FBXW11: variants seen among roughly 807,000 people sequenced by gnomAD.
FBXW11 encodes F-box and WD repeat domain containing 11, also known as F-box/WD repeat-containing protein 11.
In FBXW11, 19 loss-of-function variants were observed where a neutral mutation model predicts 77.6. The ratio of observed to expected loss-of-function variants is 0.24; its 90% CI spans 0.17 to 0.36. The LOEUF is 0.36. Among genes scored for constraint, FBXW11 ranks in the 10% least tolerant of loss-of-function variants. The probability of loss-of-function intolerance (pLI) is 1.00; values close to 1 mark genes in which losing one functional copy is unlikely to be tolerated. For synonymous variants in FBXW11, 235 were observed against 249.4 expected, an observed-to-expected ratio of 0.94 and a Z score of 0.54; for missense variants, 334 against 704.2, an observed-to-expected ratio of 0.47 and a Z score of 5.95.
rs761560539 is a variant in FBXW11, at chr5:171,899,093, C to T, written c.625G>A (p.Asp209Asn). The T allele has an allele frequency of 6.3e-7, 1 of 1,590,054 alleles. No individual in the cohort carries two copies. Among genetic ancestry groups the T allele is most frequent in the Non-Finnish European group, 8.5e-7 (1 of 1,171,536 alleles). The change falls in exon 6 of 14, where the codon GAT (aspartate) becomes AAT (asparagine). Residue 209 changes from aspartate (D) to asparagine (N), a missense_variant and splice_region_variant. Transcript: ENST00000517395. ...GGTCTGTTTTTAAACAGGTACTGAT[C>T]CCTGGCAAATAAAAACAAACAGATG... is the stretch of plus-strand genomic sequence containing the variant. ...WKGLSERRGW[D>N]QYLFKNRPTD...
chr5:171,948,574 T>C (rs1763142702), intron 2 of FBXW11, among the ~76,000 whole-genome samples: 1 of 152,012 alleles, frequency 6.6e-6, no homozygotes, highest in Non-Finnish European at 1.5e-5. Context: ...CCCATTTCTA[T>C]TTAATTAAAA....
intron 7 of FBXW11, among the ~76,000 whole-genome samples, chr5:171,890,811 T>A (rs1227006419): frequency 6.6e-6 from 1 of 152,156 alleles, no homozygotes; most frequent in Non-Finnish European, 1.5e-5. Context: ...ATTGGGGGAA[T>A]GAGAGAGCTG....
intron 2 of FBXW11, among the ~76,000 whole-genome samples, chr5:171,915,319 A>G (rs1332509082): frequency 6.6e-6 from 1 of 152,228 alleles, no homozygotes; most frequent in Non-Finnish European, 1.5e-5. Context: ...TATTTAAGGT[A>G]TCAGTGTTTT....
chr5:171,905,590 C>CCA (rs1554098632), intron 4 of FBXW11, among the ~76,000 whole-genome samples: 1 of 69,222 alleles, frequency 1.4e-5, no homozygotes, highest in Non-Finnish European at 3.4e-5. Flanking sequence ...AAAAAGCTAA[C>CCA]CCCCCCCCCT....
At chr5:171,939,813 T>C (rs1452374412) in intron 2 of FBXW11, among the ~76,000 whole-genome samples, 1 of 152,064 alleles carries the variant, frequency 6.6e-6, no homozygotes, top group Non-Finnish European at 1.5e-5. Context: ...CATCCCTCAG[T>C]GTCATCCTCA....
chr5:171,925,669 G>A (rs1761854489), intron 2 of FBXW11, among the ~76,000 whole-genome samples: 1 of 152,080 alleles, frequency 6.6e-6, no homozygotes, highest in African/African-American at 2.4e-5. Flanking sequence ...TTCTTTTATG[G>A]AGACAAGATC....
rs566787446 is a variant in FBXW11, at chr5:172,006,598, A to C, written c.-96T>G. The C allele has an allele frequency of 6.5e-6, 9 of 1,378,282 alleles. No homozygotes were observed. In the African/African-American group the frequency reaches 1.2e-4, roughly 19 times the overall value. The allele number at this position is 1,378,282 out of a possible 1,614,324, so 85.4% of individuals were successfully genotyped here. ...GGAGGCGGCAGAGGCGGAGGCGGCT[A>C]TCGCACCCACTCTAGCTGCCAGCCC... On this transcript the variant is annotated 5_prime_UTR_variant, in exon 1 of 14. Transcript: ENST00000517395.
In FBXW11 at chr5:171,869,731, C is replaced by A; in HGVS notation, c.1528G>T (p.Val510Leu). ...TCCCGTCTCAAGAGATCACATACCACCAATGTGCGCAAACACAATGTGCTT... is the reference window on the plus strand; with the variant it reads ...TCCCGTCTCAAGAGATCACATACCAACAATGTGCGCAAACACAATGTGCTT... ...PASTLCLRTLVEHSGRVFRLQ... is the reference protein window; with the variant it reads ...PASTLCLRTLLEHSGRVFRLQ... Residue 510 changes from valine (V) to leucine (L), a missense_variant and splice_region_variant, in exon 12 of 14, where the codon GTG (valine) becomes TTG (leucine). By Grantham distance (32) the Val-to-Leu change is conservative. This residue lies in a region of FBXW11 where 30 missense variants were observed against 50.7 expected (regional missense o/e 0.59). Coordinates refer to ENST00000517395, the MANE Select transcript of FBXW11 (RefSeq NM_001378974.1). This position sits in a 1 kb window ranked among gnomAD's most constrained non-coding sequence, Gnocchi z 4.1. 6.2e-7 allele frequency: 1 copy of A among 1,607,384 alleles called. No individual in the cohort carries two copies. The highest frequency in any genetic ancestry group is 1.1e-5 in the South Asian group (1 of 90,276).
At chr5:171,948,103 C>A (rs1426368306) in intron 2 of FBXW11, among the ~76,000 whole-genome samples, 24 of 151,320 alleles carry the variant, frequency 1.6e-4, no homozygotes, top group Admixed American at 1.6e-3. Context: ...GGCATGGTGG[C>A]ACGTGCCTGT....
chr5:171,982,642 T>C (rs915290122), intron 1 of FBXW11, among the ~76,000 whole-genome samples: 1 of 152,168 alleles, frequency 6.6e-6, no homozygotes, highest in African/African-American at 2.4e-5. Context: ...CCAACTGGAG[T>C]ACAGACATTT....
Position 172,006,498 on chromosome 5 carries a change from T to C in FBXW11, c.5A>G (p.Glu2Gly), listed in dbSNP as rs1163201681. Residue 2 changes from glutamate (E) to glycine (G), a missense_variant, in exon 1 of 14, where the codon GAG becomes GGG. Glu to Gly is a moderately conservative substitution (Grantham distance 98, BLOSUM62 -2). This residue lies in a region of FBXW11 where 80 missense variants were observed against 105.1 expected (regional missense o/e 0.76). Coordinates refer to ENST00000517395, the MANE Select transcript of FBXW11 (RefSeq NM_001378974.1). ...CTTGTCCTCAATCACCGAGTCGGGC[T>C]CCATGGCGGCCCCGGCGGCCCCGCC... is the stretch of plus-strand genomic sequence containing the variant. M[E>G]PDSVIEDKTI... 6.6e-7 allele frequency: 1 copy of C among 1,520,930 alleles called. No individual in the cohort carries two copies. Among genetic ancestry groups the C allele is most frequent in the Admixed American group, 2.1e-5 (1 of 47,526 alleles). 94.2% of individuals were successfully genotyped at this position (1,520,930 alleles called of 1,614,324 possible).
chr5:171,977,990 T>C (rs1000649490), intron 1 of FBXW11, among the ~76,000 whole-genome samples: 4 of 152,070 alleles, frequency 2.6e-5, no homozygotes, highest in African/African-American at 9.7e-5. Context: ...CAAGGGAACT[T>C]AATCTATAAG....
chr5:171,962,914 AAC>A (rs1396465608), intron 1 of FBXW11, among the ~76,000 whole-genome samples: 6 of 152,130 alleles, frequency 3.9e-5, no homozygotes, highest in African/African-American at 1.4e-4. Context: ...CTAATGTTAT[AAC>A]CTCTGATTTA....
intron 1 of FBXW11, among the ~76,000 whole-genome samples, chr5:171,980,552 A>G (rs4867661): frequency 0.82 from 125,018 of 152,174 alleles, 53,301 homozygotes; most frequent in East Asian, 0.98. Flanking sequence ...TATAAAGTCA[A>G]AAAAGGCGTA....
chr5:171,949,850 A>G (rs1035922977), intron 2 of FBXW11, among the ~76,000 whole-genome samples: 2 of 152,200 alleles, frequency 1.3e-5, no homozygotes, highest in East Asian at 3.8e-4. Flanking sequence ...TGTCATCTAG[A>G]GTATGAAAAG....
intron 7 of FBXW11, among the ~76,000 whole-genome samples, chr5:171,879,537 T>G (rs931749383): frequency 6.6e-5 from 10 of 152,260 alleles, no homozygotes; most frequent in Non-Finnish European, 1.5e-4. Flanking sequence ...CTGAAGTGGC[T>G]GTACTATTTT....
At chr5:171,928,325 A>G (rs887090818) in intron 2 of FBXW11, among the ~76,000 whole-genome samples, 1 of 152,192 alleles carries the variant, frequency 6.6e-6, no homozygotes, top group Admixed American at 6.5e-5. Flanking sequence ...GTACCACCCA[A>G]AACTATCTAC....
At chr5:171,897,110 T>C (rs953308610) in intron 6 of FBXW11, among the ~76,000 whole-genome samples, 1 of 152,214 alleles carries the variant, frequency 6.6e-6, no homozygotes, top group Non-Finnish European at 1.5e-5. Flanking sequence ...CTAAACTGTT[T>C]AACCTTTTTA....
intron 7 of FBXW11, among the ~76,000 whole-genome samples, chr5:171,889,029 T>A (rs1434080295): frequency 6.6e-6 from 1 of 152,130 alleles, no homozygotes; most frequent in East Asian, 1.9e-4. Flanking sequence ...AAAGATATAG[T>A]ATTTATGTGA....
Sources: allele counts gnomAD v4.1 joint callset (sites outside exome capture counted in the v4.1 genomes callset), GRCh38; gene constraint gnomAD v4.1.1; regional missense constraint gnomAD v4.1.1; non-coding constraint Gnocchi (gnomAD v3.1); transcripts MANE v1.5; gene names NCBI Gene and HGNC (gene_info 2026-07-23, HGNC 2026-07-21).